Variants in MROH2A observed in about 807,000 individuals in gnomAD.
MROH2A encodes maestro heat like repeat family member 2A.
A neutral mutation model predicts 200.4 loss-of-function variants in MROH2A; 174 were observed. That is an observed-to-expected ratio of 0.87 (90% CI 0.77 to 0.98). The LOEUF (loss-of-function observed/expected upper bound fraction) is 0.98. Ranked by LOEUF, MROH2A falls within the 50% of genes least tolerant of loss-of-function variation. The probability of loss-of-function intolerance (pLI) is 0.00; values close to 1 mark genes in which losing one functional copy is unlikely to be tolerated. For synonymous variants in MROH2A, 829 were observed against 840.4 expected (o/e 0.99, Z 0.23); for missense variants, 2,045 against 2,139.6 (o/e 0.96, Z 0.87).
chr2:233,819,856 C>G (rs188761807), intron 30 of MROH2A, 46 bp from the exon 31 acceptor site: 311 of 1,459,336 alleles, frequency 2.1e-4, no homozygotes, highest in Non-Finnish European at 2.7e-4. Flanking sequence ...TGCAGGAGGC[C>G]ATAGGGGCCT....
At chr2:233,794,094 C>T (rs1701953349) in intron 7 of MROH2A, among the ~76,000 whole-genome samples, 1 of 152,200 alleles carries the variant, frequency 6.6e-6, no homozygotes. Flanking sequence ...GCGTCTTACC[C>T]ATGGGAGCTA....
At chr2:233,802,555 C>A (rs1249340076) in intron 15 of MROH2A, 2 of 431,900 alleles carry the variant, frequency 4.6e-6, no homozygotes, top group Non-Finnish European at 8.3e-6. Flanking sequence ...CCTGTCCCCC[C>A]AGCCCACAGC....
At chr2:233,829,548 C>T (rs1254040806) in intron 37 of MROH2A, 72 bp from the exon 38 acceptor site, 3 of 1,336,198 alleles carry the variant, frequency 2.2e-6, no homozygotes, top group Non-Finnish European at 2.9e-6. Context: ...TTGGGTATTC[C>T]TTGGAGAATG....
intron 4 of MROH2A, 84 bp from the exon 5 acceptor site, chr2:233,789,768 G>C: frequency 6.7e-7 from 1 of 1,489,160 alleles, no homozygotes; most frequent in Non-Finnish European, 9.0e-7. Context: ...GAACCAGGAG[G>C]GGTGGAGAGA....
At chr2:233,812,503 A>C (rs1703224859) in intron 24 of MROH2A, among the ~76,000 whole-genome samples, 1 of 152,236 alleles carries the variant, frequency 6.6e-6, no homozygotes, top group Admixed American at 6.5e-5. Context: ...AAGATTCATT[A>C]CTTAGGCGCA....
chr2:233,823,353 A>C (rs940107242), intron 34 of MROH2A, among the ~76,000 whole-genome samples: 1 of 152,348 alleles, frequency 6.6e-6, no homozygotes, highest in Admixed American at 6.5e-5. Context: ...CTTTGTAAAA[A>C]GGAGATAGAC....
At chr2:233,818,266 G>C in intron 28 of MROH2A, 141 bp downstream of exon 28, 1 of 1,070,364 alleles carries the variant, frequency 9.3e-7, no homozygotes, top group Non-Finnish European at 1.3e-6. Flanking sequence ...GTGACCATCA[G>C]AGGGAGCAGT....
chr2:233,811,784 C>G, intron 23 of MROH2A, 96 bp from the exon 24 acceptor site: 1 of 806,992 alleles, frequency 1.2e-6, no homozygotes, highest in Non-Finnish European at 2.1e-6. Context: ...GTGTTAGACA[C>G]TTTGGGAAGT....
chr2:233,808,912 T>C (rs1009860848), intron 21 of MROH2A, among the ~76,000 whole-genome samples: 1 of 152,216 alleles, frequency 6.6e-6, no homozygotes, highest in Non-Finnish European at 1.5e-5. Flanking sequence ...GCATGCCCAG[T>C]GCCTGGTGTC....
rs898169607 is a variant in MROH2A at position 233,789,954 on chromosome 2, C to T, written c.511C>T (p.Pro171Ser). ...VMYELQHHLKPLNLTDEFVII... is the reference protein window; with the variant it reads ...VMYELQHHLKSLNLTDEFVII... ...GTACGAGCTGCAGCACCACCTCAAG[C>T]CCCTCAACCTCACTGATGAATTTGT... The change falls in exon 5 of 42, where the codon CCC becomes TCC. Residue 171 changes from proline to serine, a missense_variant. Around this residue, in one of 3 missense-constraint regions of MROH2A, gnomAD observed 831 missense variants for 800.0 expected, o/e 1.04. Coordinates refer to ENST00000389758, the MANE Select transcript of MROH2A (RefSeq NM_001394639.1). 45 of 1,550,392 alleles carry T rather than the reference C, an allele frequency of 2.9e-5. No homozygotes were observed. Among genetic ancestry groups the T allele is most frequent in the Non-Finnish European group, 3.7e-5 (43 of 1,146,950 alleles).
chr2:233,829,916 C>A, intron 38 of MROH2A, 141 bp downstream of exon 38: 1 of 761,522 alleles, frequency 1.3e-6, no homozygotes, highest in Non-Finnish European at 1.8e-6. Context: ...GAGGCCACAG[C>A]CTGCTCCCTG....
chr2:233,802,483 T>C, intron 15 of MROH2A, 168 bp downstream of exon 15: 1 of 727,698 alleles, frequency 1.4e-6, no homozygotes, highest in Non-Finnish European at 2.2e-6. Flanking sequence ...AATGCCTACC[T>C]GATCATATCT....
In MROH2A at chr2:233,819,477, A is replaced by G; in HGVS notation, c.3357+8A>G. 2 of 1,549,176 alleles carry G rather than the reference A, an allele frequency of 1.3e-6. No homozygotes were observed. Among genetic ancestry groups the G allele is most frequent in the Non-Finnish European group, 1.7e-6 (2 of 1,146,488 alleles). On this transcript the variant is annotated splice_region_variant and intron_variant, in intron 30 of 41. Coordinates refer to ENST00000389758, the MANE Select transcript of MROH2A (RefSeq NM_001394639.1). ...AAGGAGCTGGAGGACAAGGTGGCAG[A>G]GCCGCGGCAGGGCCACCAGAGAGAG...
At chr2:233,779,614 G>A in intron 2 of MROH2A, 57 bp from the exon 3 acceptor site, 2 of 1,528,472 alleles carry the variant, frequency 1.3e-6, no homozygotes, top group South Asian at 1.2e-5. Flanking sequence ...GGGACACAAG[G>A]GCACCTCCTG....
chr2:233,799,903 A>G lies in MROH2A; in HGVS notation c.1449+4A>G, dbSNP rs1199396026. ...GACCTTATCCACCTACAAACTGGTG[A>G]GTGGCCCTGATACGCAGACCGCAGA... On this transcript the variant is annotated splice_donor_region_variant and intron_variant, in intron 13 of 41. Transcript: ENST00000389758. 2 of 1,550,318 alleles carry G rather than the reference A, an allele frequency of 1.3e-6. No homozygotes were observed. Among genetic ancestry groups the G allele is most frequent in the African/African-American group, 1.4e-5 (1 of 72,998 alleles).
At chr2:233,803,178 G>A (rs147477945) in intron 15 of MROH2A, among the ~76,000 whole-genome samples, 1 of 152,150 alleles carries the variant, frequency 6.6e-6, no homozygotes, top group African/African-American at 2.4e-5. Context: ...GGAAAGTCTT[G>A]GTGTCCACTA....
chr2:233,804,423 G>C, intron 17 of MROH2A, 72 bp from the exon 18 acceptor site: 1 of 1,495,316 alleles, frequency 6.7e-7, no homozygotes, highest in East Asian at 2.5e-5. Context: ...GAGGCATAGA[G>C]GGCCTTGAAT....
chr2:233,795,950 T>TGCACGTCCCTCACCAGGTGTGCA lies in MROH2A; in HGVS notation c.1060-16_1066dup. On this transcript the variant is annotated splice_polypyrimidine_tract_variant and intron_variant, in intron 9 of 41. Coordinates refer to ENST00000389758, the MANE Select transcript of MROH2A (RefSeq NM_001394639.1). ...TCCCTGTGATCTCCTCCAGCCTCACTGCACGTCCCTCACCAGGTGTGCAAC... is the reference window on the plus strand; with the variant it reads ...TCCCTGTGATCTCCTCCAGCCTCACTGCACGTCCCTCACCAGGTGTGCAGCACGTCCCTCACCAGGTGTGCAAC... 1 of 1,550,142 alleles carries TGCACGTCCCTCACCAGGTGTGCA rather than the reference T, an allele frequency of 6.5e-7. No homozygotes were observed. The highest frequency in any genetic ancestry group is 8.7e-7 in the Non-Finnish European group (1 of 1,146,678).
At chr2:233,782,158 A>G (rs1700983273) in intron 3 of MROH2A, among the ~76,000 whole-genome samples, 1 of 152,146 alleles carries the variant, frequency 6.6e-6, no homozygotes, top group South Asian at 2.1e-4. Flanking sequence ...AGGTAGTATG[A>G]TGCCTCCAGC....
Sources: gnomAD v4.1 joint callset for allele counts (sites outside exome capture counted in the v4.1 genomes callset) on GRCh38, gnomAD v4.1.1 for gene constraint, gnomAD v4.1.1 regional missense constraint, MANE v1.5 for transcripts, NCBI Gene and HGNC (gene_info 2026-07-23, HGNC 2026-07-21) for gene names.